DOCK3: variants seen among roughly 807,000 people sequenced by gnomAD.
DOCK3 encodes the protein dedicator of cytokinesis 3, also known as dedicator of cytokinesis protein 3.
Under a neutral mutation model 265.6 loss-of-function variants are expected in DOCK3, and 60 were observed. The ratio of observed to expected loss-of-function variants is 0.23; its 90% CI spans 0.18 to 0.28. The LOEUF is 0.28. Among genes scored for constraint, DOCK3 ranks in the 10% least tolerant of loss-of-function variants. The probability of loss-of-function intolerance (pLI) is 1.00; values close to 1 mark genes in which losing one functional copy is unlikely to be tolerated. For missense variants in DOCK3, 1,981 were observed against 2,594.3 expected (o/e 0.76, Z 5.14); for synonymous variants, 881 against 938.0 (o/e 0.94, Z 1.11).
intron 1 of DOCK3, among the ~76,000 whole-genome samples, chr3:50,686,938 A>C (rs1255615806): frequency 7.0e-6 from 1 of 143,640 alleles, no homozygotes; most frequent in Admixed American, 7.3e-5. Context: ...TGCCGGGCAC[A>C]GTGGCTCACT....
intron 13 of DOCK3, among the ~76,000 whole-genome samples, chr3:51,213,338 G>C (rs552823325): frequency 1.8e-4 from 28 of 152,118 alleles, no homozygotes; most frequent in African/African-American, 6.7e-4. Flanking sequence ...TTCCATACAG[G>C]CTTGACTGTT....
intron 2 of DOCK3, chr3:50,786,644 C>T: frequency 1.7e-6 from 1 of 597,308 alleles, no homozygotes; most frequent in South Asian, 1.6e-5. Flanking sequence ...TTAAAGTTGT[C>T]CTTACTCTGG....
intron 5 of DOCK3, among the ~76,000 whole-genome samples, chr3:51,019,043 T>C (rs2079477497): frequency 6.6e-6 from 1 of 151,866 alleles, no homozygotes; most frequent in South Asian, 2.1e-4. Flanking sequence ...TAAAGTTTTT[T>C]ATTTTCCTTT....
intron 2 of DOCK3, among the ~76,000 whole-genome samples, chr3:50,806,931 A>T (rs976042736): frequency 1.3e-5 from 2 of 151,984 alleles, no homozygotes; most frequent in Non-Finnish European, 2.9e-5. Flanking sequence ...GGGTGTAAGG[A>T]CTGTAGGCCT....
At position 51,075,405 on chromosome 3, in the gene DOCK3, T is replaced by C. The variant is rs777749638; in HGVS notation, c.514T>C (p.Ser172Pro). The change falls in exon 7 of 53, where the codon TCG (serine) becomes CCG (proline). Residue 172 changes from serine to proline, a missense_variant. By Grantham distance (74) the Ser-to-Pro change is moderately conservative. Coordinates refer to ENST00000266037, the MANE Select transcript of DOCK3 (RefSeq NM_004947.5). Reference protein sequence around the residue: ...VPRKDFEVVDSDQISVSDLYK... With the variant: ...VPRKDFEVVDPDQISVSDLYK... ...TCGGAAGGACTTTGAAGTAGTGGAC[T>C]CGGACCAGATTAGTGTCTCAGATCT... The C allele has an allele frequency of 1.9e-6, 3 of 1,611,034 alleles. No individual in the cohort carries two copies. Among genetic ancestry groups the C allele is most frequent in the Admixed American group, 3.4e-5 (2 of 59,612 alleles).
chr3:51,182,061 C>G (rs2087330111), intron 12 of DOCK3, among the ~76,000 whole-genome samples: 1 of 151,794 alleles, frequency 6.6e-6, no homozygotes, highest in African/African-American at 2.4e-5. Context: ...TTTTTAACTC[C>G]CTGCTCTGGG....
chr3:50,826,316 G>A (rs2044752945), intron 2 of DOCK3, among the ~76,000 whole-genome samples: 1 of 151,648 alleles, frequency 6.6e-6, no homozygotes, highest in Non-Finnish European at 1.5e-5. Context: ...GTTCTTTATA[G>A]TAAATTTTTC....
At chr3:50,890,703 A>T (rs929496832) in intron 4 of DOCK3, among the ~76,000 whole-genome samples, 1 of 152,082 alleles carries the variant, frequency 6.6e-6, no homozygotes, top group African/African-American at 2.4e-5. Context: ...AAATTTAGGT[A>T]CTGTATAATT....
chr3:50,977,015 T>G (rs1331895890), intron 5 of DOCK3, among the ~76,000 whole-genome samples: 7 of 149,618 alleles, frequency 4.7e-5, no homozygotes, highest in Non-Finnish European at 7.5e-5. Context: ...CCTCCATCCT[T>G]TTATTTTGAG....
intron 5 of DOCK3, among the ~76,000 whole-genome samples, chr3:51,043,815 G>A (rs1025504743): frequency 4.0e-5 from 6 of 151,868 alleles, no homozygotes; most frequent in East Asian, 1.9e-4. Context: ...GCCAACAATC[G>A]TATGTAAAAA....
chr3:51,360,732 A>C, intron 47 of DOCK3, 100 bp downstream of exon 47: 3 of 1,480,506 alleles, frequency 2.0e-6, no homozygotes. Flanking sequence ...ATTCCCTCTT[A>C]CCCATGCACA....
intron 4 of DOCK3, among the ~76,000 whole-genome samples, chr3:50,927,128 A>T: frequency 6.6e-6 from 1 of 152,132 alleles, no homozygotes; most frequent in Middle Eastern, 3.4e-3. Flanking sequence ...TGAGGCTTCT[A>T]TTGTTTCTTA....
chr3:51,300,826 G>A (rs2082327016), intron 27 of DOCK3, among the ~76,000 whole-genome samples: 1 of 152,112 alleles, frequency 6.6e-6, no homozygotes, highest in Non-Finnish European at 1.5e-5. Context: ...GAGGACTTTT[G>A]CACCAATGTT....
At chr3:51,303,314 G>C (rs2082459371) in intron 27 of DOCK3, among the ~76,000 whole-genome samples, 1 of 152,110 alleles carries the variant, frequency 6.6e-6, no homozygotes, top group Non-Finnish European at 1.5e-5. Context: ...CTCCTGTAAT[G>C]TTTTATCATG....
chr3:51,290,950 C>T (rs2081723620), intron 27 of DOCK3, among the ~76,000 whole-genome samples: 1 of 152,002 alleles, frequency 6.6e-6, no homozygotes, highest in Admixed American at 6.6e-5. Context: ...TGGTGGCGGG[C>T]ACCTGTAATC....
Position 51,225,658 on chromosome 3 carries a change from G to T in DOCK3, c.1262G>T (p.Arg421Leu). The T allele has an allele frequency of 6.2e-7, 1 of 1,611,344 alleles. No homozygotes were observed. The change falls in exon 15 of 53, where the codon CGC becomes CTC. Residue 421 changes from arginine to leucine, a missense_variant. Physicochemically the swap from Arg to Leu is moderately radical, Grantham distance 102. Around this residue, in one of 4 missense-constraint regions of DOCK3, gnomAD observed 456 missense variants for 539.0 expected, o/e 0.85. Transcript: ENST00000266037. ...FPDVIMPGDI[R>L]NDLYLTLEKG... ...ATTTCTTTCCCCGCAGGTGATATCC[G>T]CAATGACCTGTACCTAACCCTGGAG...
At chr3:51,185,889 G>C (rs577291622) in intron 12 of DOCK3, among the ~76,000 whole-genome samples, 10 of 152,292 alleles carry the variant, frequency 6.6e-5, no homozygotes, top group African/African-American at 2.4e-4. Flanking sequence ...CCCCAGCCAT[G>C]TGTAACTGTG....
At chr3:50,816,895 AG>A (rs2044110713) in intron 2 of DOCK3, among the ~76,000 whole-genome samples, 1 of 152,102 alleles carries the variant, frequency 6.6e-6, no homozygotes, top group African/African-American at 2.4e-5. Context: ...GTTACAGGAA[AG>A]GGGTCCCAAT....
intron 1 of DOCK3, among the ~76,000 whole-genome samples, chr3:50,750,322 A>ATTTTTTTTTTTTTTTTTTTTTTTTTT: frequency 1.4e-5 from 1 of 73,636 alleles, no homozygotes; most frequent in Non-Finnish European, 2.7e-5. Flanking sequence ...TCTACCTTTG[A>ATTTTTTTTTTTTTTTTTTTTTTTTTT]TTTTTTTTTT....
Sources: gnomAD v4.1 joint callset for allele counts (sites outside exome capture counted in the v4.1 genomes callset) on GRCh38, gnomAD v4.1.1 for gene constraint, gnomAD v4.1.1 regional missense constraint, MANE v1.5 for transcripts, NCBI Gene and HGNC (gene_info 2026-07-23, HGNC 2026-07-21) for gene names.